VWC2L: variants seen among roughly 807,000 people sequenced by gnomAD.
VWC2L encodes the protein von Willebrand factor C domain-containing protein 2-like.
VWC2L carries 10 observed loss-of-function variants against 21.6 expected under a neutral mutation model. That is an observed-to-expected ratio of 0.46 (90% CI 0.29 to 0.78). The LOEUF is 0.78. VWC2L is among the 30% of genes least tolerant of loss of function. The probability of loss-of-function intolerance (pLI) is 0.10; values close to 1 mark genes in which losing one functional copy is unlikely to be tolerated. For synonymous variants in VWC2L, 96 were observed against 94.3 expected (o/e 1.02, Z -0.10); for missense variants, 209 against 277.1 (o/e 0.75, Z 1.74).
chr2:214,421,709 T>C (rs1376500609), intron 2 of VWC2L, among the ~76,000 whole-genome samples: 1 of 151,946 alleles, frequency 6.6e-6, no homozygotes, highest in African/African-American at 2.4e-5. Context: ...TGAGAGAAGA[T>C]GAAGCTGAAA....
At chr2:214,531,595 A>C (rs1487430166) in intron 3 of VWC2L, among the ~76,000 whole-genome samples, 1 of 152,136 alleles carries the variant, frequency 6.6e-6, no homozygotes, top group East Asian at 1.9e-4. Flanking sequence ...GATGTCAAGC[A>C]AGGCCATTTC....
In VWC2L at chr2:214,505,960, G is replaced by T. The variant is rs145918134; in HGVS notation, c.520+69202G>T. 6.8e-3 allele frequency among the ~76,000 whole-genome samples: 1,031 copies of T among 152,192 alleles called. 12 individuals carry two copies. Among genetic ancestry groups the T allele is most frequent in the African/African-American group, 0.024 (981 of 41,524 alleles). On this transcript the variant is annotated intron_variant, in intron 3 of 3. Coordinates refer to ENST00000312504, the MANE Select transcript of VWC2L (RefSeq NM_001080500.4). ...GAGCACAGGGGCCAAAGGGGTAGCCGGGAGTGCTGGGAAGATGATTCGCTT... is the reference window on the plus strand; with the variant it reads ...GAGCACAGGGGCCAAAGGGGTAGCCTGGAGTGCTGGGAAGATGATTCGCTT...
Position 214,433,030 on chromosome 2 carries a change from A to G in VWC2L, c.391-3599A>G, listed in dbSNP as rs556904993. 6.0e-5 allele frequency among the ~76,000 whole-genome samples: 9 copies of G among 151,124 alleles called. No homozygotes were observed. The South Asian group carries it at 6.3e-4, about 10-fold the overall frequency. On this transcript the variant is annotated intron_variant, in intron 2 of 3. Coordinates refer to ENST00000312504, the MANE Select transcript of VWC2L (RefSeq NM_001080500.4). Reference sequence around the variant, plus strand: ...CAGTAAGACTCCATCTCAAGAAGAAAAAAAAAAAAAAGTATGTATTCAGAG... The same window carrying G: ...CAGTAAGACTCCATCTCAAGAAGAAGAAAAAAAAAAAGTATGTATTCAGAG...
intron 3 of VWC2L, among the ~76,000 whole-genome samples, chr2:214,537,470 C>A (rs1242656745): frequency 6.6e-6 from 1 of 150,828 alleles, no homozygotes; most frequent in Non-Finnish European, 1.5e-5. Context: ...AAATCTATAA[C>A]AATCAAATTC....
At chr2:214,452,712 G>A (rs1318115292) in intron 3 of VWC2L, among the ~76,000 whole-genome samples, 1 of 152,072 alleles carries the variant, frequency 6.6e-6, no homozygotes, top group Non-Finnish European at 1.5e-5. Context: ...TAAAAAATGG[G>A]ACTGCCAGTT....
intron 3 of VWC2L, among the ~76,000 whole-genome samples, chr2:214,465,250 A>T (rs989145344): frequency 2.0e-5 from 3 of 152,082 alleles, no homozygotes; most frequent in Non-Finnish European, 2.9e-5. Context: ...GTCACATGTG[A>T]AGCCAGCATG....
intron 3 of VWC2L, among the ~76,000 whole-genome samples, chr2:214,543,908 G>C (rs925297524): frequency 6.6e-6 from 1 of 152,214 alleles, no homozygotes; most frequent in Non-Finnish European, 1.5e-5. Flanking sequence ...GATGTACCCA[G>C]AAGTATGTTT....
intron 3 of VWC2L, among the ~76,000 whole-genome samples, chr2:214,458,160 C>T (rs1012490769): frequency 5.3e-5 from 8 of 151,996 alleles, no homozygotes; most frequent in Non-Finnish European, 1.0e-4. Flanking sequence ...TCTATTTCTT[C>T]CTGATTCAGT....
rs755040110 is a variant in VWC2L, at chr2:214,414,411, A to G, written c.218A>G (p.Asn73Ser). Residue 73 changes from asparagine (N) to serine (S), a missense_variant, in exon 2 of 4, where the codon AAC becomes AGC. Asn to Ser is a conservative substitution (Grantham distance 46). Coordinates refer to ENST00000312504, the MANE Select transcript of VWC2L (RefSeq NM_001080500.4). ...LGERFFPGHS[N>S]CPCVCALDGP... ...GAACGATTTTTCCCTGGGCATTCCA[A>G]CTGTCCATGTGTCTGTGCTCTAGAT... is the stretch of plus-strand genomic sequence containing the variant. The G allele has an allele frequency of 6.2e-7, 1 of 1,613,672 alleles. No homozygotes were observed. The highest frequency in any genetic ancestry group is 1.7e-5 in the Admixed American group (1 of 59,952).
chr2:214,501,174 C>T (rs1688885510), intron 3 of VWC2L, among the ~76,000 whole-genome samples: 1 of 152,134 alleles, frequency 6.6e-6, no homozygotes, highest in Non-Finnish European at 1.5e-5. Context: ...TTCTATAGAA[C>T]AAGTACACTC....
intron 3 of VWC2L, among the ~76,000 whole-genome samples, chr2:214,501,664 A>G (rs12694331): frequency 0.88 from 131,295 of 149,802 alleles, 60,073 homozygotes; most frequent in Non-Finnish European, 1. Flanking sequence ...GGAGGTTGCC[A>G]TGAGCTGAGA....
Position 214,425,044 on chromosome 2 carries a change from C to T in VWC2L, c.390+10461C>T, listed in dbSNP as rs539865953. On this transcript the variant is annotated intron_variant, in intron 2 of 3. Transcript: ENST00000312504. ...TTTTATTAATAAAGCTTTATTAAAA[C>T]ACAGCCATGCTCATTCACTTACATA... is the stretch of plus-strand genomic sequence containing the variant. Among the ~76,000 whole-genome samples the T allele has an allele frequency of 1.2e-4, 19 of 152,302 alleles. No individual in the cohort carries two copies. The South Asian group carries it at 3.9e-3, about 32-fold the overall frequency.
rs16852038 is a variant in VWC2L, at chr2:214,575,458, A to G, written c.521-214A>G. 0.012 allele frequency among the ~76,000 whole-genome samples: 1,855 copies of G among 152,256 alleles called. 37 individuals carry two copies. Among genetic ancestry groups the G allele is most frequent in the African/African-American group, 0.042 (1,761 of 41,554 alleles). On this transcript the variant is annotated intron_variant, in intron 3 of 3. Transcript: ENST00000312504. ...TTTGAAGATTGTCTCTTTTTATTTA[A>G]GTTCACAATATACACGGGAAATATG...
At chr2:214,524,408 A>G (rs1553599413) in intron 3 of VWC2L, among the ~76,000 whole-genome samples, 1 of 152,214 alleles carries the variant, frequency 6.6e-6, no homozygotes, top group Non-Finnish European at 1.5e-5. Flanking sequence ...AAATTTGTAC[A>G]TCTCAGCCAC....
At chr2:214,567,303 G>A (rs911548647) in intron 3 of VWC2L, among the ~76,000 whole-genome samples, 4 of 152,092 alleles carry the variant, frequency 2.6e-5, no homozygotes, top group East Asian at 1.9e-4. Context: ...GATCTGGGTC[G>A]ACAAACAACA....
intron 3 of VWC2L, among the ~76,000 whole-genome samples, chr2:214,562,671 C>T (rs1364295289): frequency 1.3e-5 from 2 of 152,154 alleles, no homozygotes; most frequent in African/African-American, 4.8e-5. Context: ...TTAATAATTG[C>T]CATTCTGACT....
chr2:214,449,920 C>T (rs529695277), intron 3 of VWC2L, among the ~76,000 whole-genome samples: 2 of 152,152 alleles, frequency 1.3e-5, no homozygotes. Flanking sequence ...GTCCCTAATG[C>T]AATATATCTG....
At chr2:214,463,739 T>G (rs576300320) in intron 3 of VWC2L, among the ~76,000 whole-genome samples, 1 of 152,330 alleles carries the variant, frequency 6.6e-6, no homozygotes, top group East Asian at 1.9e-4. Context: ...GTTTACAGTA[T>G]ACATCTTTAG....
chr2:214,530,100 A>G (rs1447204424), intron 3 of VWC2L, among the ~76,000 whole-genome samples: 1 of 152,158 alleles, frequency 6.6e-6, no homozygotes, highest in Non-Finnish European at 1.5e-5. Flanking sequence ...ACCATATGAG[A>G]AAAAAATGAA....
Sources: allele counts gnomAD v4.1 joint callset (sites outside exome capture counted in the v4.1 genomes callset), GRCh38; gene constraint gnomAD v4.1.1; transcripts MANE v1.5; gene names NCBI Gene and HGNC (gene_info 2026-07-23, HGNC 2026-07-21).